DGLUCY: variants seen among roughly 807,000 people sequenced by gnomAD.
The protein encoded by DGLUCY is D-glutamate cyclase, also known as D-glutamate cyclase, mitochondrial.
In DGLUCY, 58 loss-of-function variants were observed where a neutral mutation model predicts 58.5. The observed-to-expected ratio is 0.99, with a 90% CI of 0.80 to 1.23. The LOEUF is 1.23. DGLUCY is among the 50% of genes most tolerant of loss of function. The pLI is 0.00. For synonymous variants in DGLUCY, 325 were observed against 314.1 expected, an observed-to-expected ratio of 1.03 and a Z score of -0.37; for missense variants, 779 against 784.7, an observed-to-expected ratio of 0.99 and a Z score of 0.09.
chr14:91,085,338 G>A (rs184762307), intron 1 of DGLUCY, among the ~76,000 whole-genome samples: 21 of 152,056 alleles, frequency 1.4e-4, no homozygotes, highest in Admixed American at 7.2e-4. Context: ...CCTCTGCCTG[G>A]GAAACTCCTG....
At chr14:91,118,860 G>A (rs1057199568) in intron 1 of DGLUCY, among the ~76,000 whole-genome samples, 1 of 152,152 alleles carries the variant, frequency 6.6e-6, no homozygotes, top group African/African-American at 2.4e-5. Flanking sequence ...GCTCATGCCT[G>A]TAATCCCAGC....
At chr14:91,128,854 G>T (rs2140185201) in intron 1 of DGLUCY, 1 of 152,250 alleles carries the variant, frequency 6.6e-6, no homozygotes, top group Non-Finnish European at 1.5e-5. Context: ...ACCGAGGCCA[G>T]ATGAGTGGAA....
At chr14:91,121,565 C>T (rs2045359920) in intron 1 of DGLUCY, among the ~76,000 whole-genome samples, 1 of 150,788 alleles carries the variant, frequency 6.6e-6, no homozygotes, top group African/African-American at 2.4e-5. Context: ...GGCGATCGCG[C>T]CACTGCACTC....
intron 1 of DGLUCY, among the ~76,000 whole-genome samples, chr14:91,123,424 C>G (rs2045498791): frequency 6.6e-6 from 1 of 151,564 alleles, no homozygotes; most frequent in Non-Finnish European, 1.5e-5. Context: ...ACGGAGCAGC[C>G]CTGTTTGGGA....
At chr14:91,079,612 A>G (rs1198532336) in intron 1 of DGLUCY, among the ~76,000 whole-genome samples, 4 of 152,180 alleles carry the variant, frequency 2.6e-5, no homozygotes, top group African/African-American at 7.2e-5. Context: ...CTGATAGTCC[A>G]TAATTTGGAT....
At chr14:91,069,859 C>A (rs1433307668) in intron 1 of DGLUCY, among the ~76,000 whole-genome samples, 1 of 147,796 alleles carries the variant, frequency 6.8e-6, no homozygotes, top group African/African-American at 2.5e-5. Flanking sequence ...TGGCTCACTG[C>A]AACCTCCCCC....
intron 1 of DGLUCY, among the ~76,000 whole-genome samples, chr14:91,108,457 C>T (rs1007855808): frequency 2.8e-5 from 4 of 143,354 alleles, no homozygotes; most frequent in Non-Finnish European, 6.0e-5. Context: ...AGACTTGACT[C>T]TGTGGTCACT....
chr14:91,183,534 C>T (rs2049309104), intron 8 of DGLUCY, among the ~76,000 whole-genome samples: 1 of 152,280 alleles, frequency 6.6e-6, no homozygotes, highest in African/African-American at 2.4e-5. Context: ...ATTATGCCTG[C>T]CTCTCTGGGT....
intron 12 of DGLUCY, 129 bp downstream of exon 12, chr14:91,204,954 G>A (rs541964610): frequency 2.4e-6 from 3 of 1,265,480 alleles, no homozygotes; most frequent in East Asian, 5.0e-5. Flanking sequence ...GGGAGGGGAG[G>A]TGGTGCTCAG....
chr14:91,100,569 C>T (rs1401200904), intron 1 of DGLUCY, among the ~76,000 whole-genome samples: 1 of 152,188 alleles, frequency 6.6e-6, no homozygotes, highest in African/African-American at 2.4e-5. Flanking sequence ...ATTGACATCA[C>T]TTGCTCAAGC....
chr14:91,111,771 A>G (rs1445483138), upstream of DGLUCY, among the ~76,000 whole-genome samples: 1 of 152,242 alleles, frequency 6.6e-6, no homozygotes, highest in Non-Finnish European at 1.5e-5. Flanking sequence ...TTGGAGGAAT[A>G]CAAACATTCA....
chr14:91,170,458 T>G (rs902492440), intron 5 of DGLUCY, among the ~76,000 whole-genome samples: 1 of 152,204 alleles, frequency 6.6e-6, no homozygotes, highest in African/African-American at 2.4e-5. Context: ...AAACCAAACC[T>G]GCTTGGGATT....
intron 4 of DGLUCY, among the ~76,000 whole-genome samples, chr14:91,168,023 G>C (rs144134462): frequency 1.3e-5 from 2 of 152,234 alleles, no homozygotes; most frequent in South Asian, 4.1e-4. Flanking sequence ...CCAGTACTTC[G>C]GGAGGCTGAG....
intron 5 of DGLUCY, 126 bp from the exon 6 acceptor site, chr14:91,173,163 A>G: frequency 9.9e-7 from 1 of 1,007,788 alleles, no homozygotes; most frequent in Non-Finnish European, 1.5e-6. Flanking sequence ...TAAAAATAGA[A>G]GCTAATTTCT....
intron 13 of DGLUCY, among the ~76,000 whole-genome samples, chr14:91,221,880 A>T (rs1887571794): frequency 6.6e-6 from 1 of 152,016 alleles, no homozygotes; most frequent in Admixed American, 6.6e-5. Flanking sequence ...CCAACTTCCC[A>T]GAAGGCACCC....
In DGLUCY at chr14:91,160,368, A is replaced by G. The variant is rs1396629744; in HGVS notation, c.74A>G (p.Asn25Ser). The G allele has an allele frequency of 1.2e-6, 2 of 1,612,708 alleles. No homozygotes were observed. ...IRSLILQKKP[N>S]IRNTSSMAGE... The stretch of plus-strand genomic sequence containing the variant: ...AGTTTGATTCTACAAAAGAAACCAA[A>G]CATCAGAAATACATCCAGCATGGCT... Residue 25 changes from asparagine to serine, a missense_variant, in exon 3 of 14, where the codon AAC becomes AGC. Physicochemically the swap from Asn to Ser is conservative, Grantham distance 46. Coordinates refer to ENST00000256324, the MANE Select transcript of DGLUCY (RefSeq NM_001102368.3).
At chr14:91,219,625 A>G (rs1887128588) in intron 13 of DGLUCY, among the ~76,000 whole-genome samples, 2 of 152,324 alleles carry the variant, frequency 1.3e-5, no homozygotes, top group East Asian at 1.9e-4. Context: ...AGCAGGCACT[A>G]TGCTGAGGAG....
At chr14:91,083,142 G>A (rs1330144278) in intron 1 of DGLUCY, among the ~76,000 whole-genome samples, 1 of 152,222 alleles carries the variant, frequency 6.6e-6, no homozygotes. Context: ...GAATAGTGCA[G>A]GGAAAAGAGC....
chr14:91,133,499 A>G (rs2046151327), intron 1 of DGLUCY, among the ~76,000 whole-genome samples: 1 of 152,172 alleles, frequency 6.6e-6, no homozygotes, highest in South Asian at 2.1e-4. Flanking sequence ...TTTTGGGTAT[A>G]TACCAGAAGT....
Sources: gnomAD v4.1 joint callset for allele counts (sites outside exome capture counted in the v4.1 genomes callset) on GRCh38, gnomAD v4.1.1 for gene constraint, MANE v1.5 for transcripts, NCBI Gene and HGNC (gene_info 2026-07-23, HGNC 2026-07-21) for gene names.